Variants in PLCL1 observed in about 807,000 individuals in gnomAD.
The protein encoded by PLCL1 is phospholipase C like 1 (inactive).
A neutral mutation model predicts 84.4 loss-of-function variants in PLCL1; 41 were observed. That is an observed-to-expected ratio of 0.49 (90% CI 0.38 to 0.63). The LOEUF (loss-of-function observed/expected upper bound fraction) is 0.63. Among genes scored for constraint, PLCL1 ranks in the 30% least tolerant of loss-of-function variants. The pLI is 0.00. For synonymous variants in PLCL1, 490 were observed against 488.3 expected (o/e 1.00, Z -0.05); for missense variants, 1,206 against 1,367.8 (o/e 0.88, Z 1.87).
rs146492230 is a variant in PLCL1, at chr2:198,112,380, G to A, written c.3105+8444G>A. On this transcript the variant is annotated intron_variant, in intron 5 of 5. Coordinates refer to ENST00000428675, the MANE Select transcript of PLCL1 (RefSeq NM_006226.4). ...CTGAGAGCCCAGCCAGCCTCCTCTT[G>A]TTTCTCTTGGACAGCTTTGCTATTC... 3.3e-3 allele frequency among the ~76,000 whole-genome samples: 506 copies of A among 151,960 alleles called. 4 individuals carry two copies. The highest frequency in any genetic ancestry group is 0.01 in the African/African-American group (432 of 41,522).
rs755653034 is a variant in PLCL1, at chr2:197,926,809, G to A, written c.240+121470G>A. ...CTTTATTACTATCACTCACATTTTT[G>A]TGGGTTGACTTGGCTATCCTGTGGT... On this transcript the variant is annotated intron_variant, in intron 1 of 5. Transcript: ENST00000428675. 5.3e-5 allele frequency among the ~76,000 whole-genome samples: 8 copies of A among 152,226 alleles called. No homozygotes were observed. The East Asian group carries it at 1.4e-3, about 26-fold the overall frequency.
chr2:197,833,093 C>T (rs989985143), intron 1 of PLCL1, among the ~76,000 whole-genome samples: 3 of 152,202 alleles, frequency 2.0e-5, no homozygotes. Flanking sequence ...ATCCCAGCTA[C>T]TCAGGAGGCT....
chr2:198,093,962 A>G (rs1265825047), intron 3 of PLCL1, among the ~76,000 whole-genome samples: 3 of 152,210 alleles, frequency 2.0e-5, no homozygotes, highest in African/African-American at 7.2e-5. Context: ...CACTATAAAT[A>G]AATAAATAAA....
intron 1 of PLCL1, among the ~76,000 whole-genome samples, chr2:197,969,422 C>T (rs1689815316): frequency 6.6e-6 from 1 of 152,184 alleles, no homozygotes; most frequent in Non-Finnish European, 1.5e-5. Context: ...ATGTGTAAGA[C>T]AGTTCCAGGC....
chr2:198,032,729 T>C (rs1036027460), intron 1 of PLCL1, among the ~76,000 whole-genome samples: 4 of 152,290 alleles, frequency 2.6e-5, no homozygotes, highest in Admixed American at 2.0e-4. Flanking sequence ...TGAAATTTTA[T>C]TTATTCAGGT....
intron 1 of PLCL1, among the ~76,000 whole-genome samples, chr2:198,036,987 C>G (rs962443426): frequency 1.5e-4 from 23 of 152,128 alleles, no homozygotes; most frequent in Admixed American, 1.2e-3. Flanking sequence ...AACAGGTGGA[C>G]ACTGGGCCAT....
chr2:197,900,814 G>T (rs1688248622), intron 1 of PLCL1, among the ~76,000 whole-genome samples: 1 of 152,112 alleles, frequency 6.6e-6, no homozygotes, highest in African/African-American at 2.4e-5. Flanking sequence ...AAAATCTAAG[G>T]GCTTTTCTGG....
chr2:197,890,306 A>G (rs1235421330), intron 1 of PLCL1, among the ~76,000 whole-genome samples: 38 of 152,200 alleles, frequency 2.5e-4, no homozygotes, highest in Non-Finnish European at 2.9e-5. Context: ...TATGAATCCC[A>G]GACAGTAGGA....
chr2:198,046,977 A>G (rs544380042), intron 1 of PLCL1, among the ~76,000 whole-genome samples: 64 of 152,336 alleles, frequency 4.2e-4, no homozygotes, highest in Non-Finnish European at 7.4e-4. Context: ...ATACTAATGT[A>G]GTAGGATATG....
In PLCL1 at chr2:197,905,911, G is replaced by A. The variant is rs191597297; in HGVS notation, c.240+100572G>A. Among the ~76,000 whole-genome samples, 426 of 152,140 alleles carry A rather than the reference G, an allele frequency of 2.8e-3. 5 individuals are homozygous for A. The highest frequency in any genetic ancestry group is 9.9e-3 in the African/African-American group (413 of 41,528). Reference sequence around the variant, plus strand: ...TCATATCCTTCACCTACTTTTTGATGGGGTTGTTTTTTTCTTGTAAATTTG... The same window carrying A: ...TCATATCCTTCACCTACTTTTTGATAGGGTTGTTTTTTTCTTGTAAATTTG... On this transcript the variant is annotated intron_variant, in intron 1 of 5. Coordinates refer to ENST00000428675, the MANE Select transcript of PLCL1 (RefSeq NM_006226.4).
At chr2:198,009,648 T>C (rs1038623618) in intron 1 of PLCL1, among the ~76,000 whole-genome samples, 10 of 152,124 alleles carry the variant, frequency 6.6e-5, no homozygotes, top group Middle Eastern at 3.4e-3. Context: ...TTTTCAAGAT[T>C]GTTTTGGCTC....
At chr2:197,959,842 A>G (rs1689573267) in intron 1 of PLCL1, among the ~76,000 whole-genome samples, 1 of 152,068 alleles carries the variant, frequency 6.6e-6, no homozygotes, top group Non-Finnish European at 1.5e-5. Flanking sequence ...CAACCTCCCA[A>G]ATGCCTACCA....
intron 5 of PLCL1, among the ~76,000 whole-genome samples, chr2:198,117,728 G>A (rs1693778048): frequency 6.6e-6 from 1 of 151,852 alleles, no homozygotes; most frequent in East Asian, 1.9e-4. Flanking sequence ...GTCTTGTATA[G>A]GAAAAGTATG....
At chr2:197,966,093 T>C (rs1276452284) in intron 1 of PLCL1, among the ~76,000 whole-genome samples, 1 of 151,986 alleles carries the variant, frequency 6.6e-6, no homozygotes, top group Non-Finnish European at 1.5e-5. Context: ...AGATAGGGCC[T>C]CAGAACTCTG....
At chr2:197,880,701 T>C (rs1353220819) in intron 1 of PLCL1, among the ~76,000 whole-genome samples, 2 of 152,164 alleles carry the variant, frequency 1.3e-5, no homozygotes, top group African/African-American at 2.4e-5. Context: ...ATTTATAGTT[T>C]TTTGTTTTTT....
At chr2:197,949,122 A>G (rs1353505897) in intron 1 of PLCL1, among the ~76,000 whole-genome samples, 1 of 152,178 alleles carries the variant, frequency 6.6e-6, no homozygotes, top group Non-Finnish European at 1.5e-5. Flanking sequence ...ATGATAATCT[A>G]GTTGGGATCA....
At chr2:197,957,178 T>A (rs1392164565) in intron 1 of PLCL1, among the ~76,000 whole-genome samples, 2 of 152,134 alleles carry the variant, frequency 1.3e-5, no homozygotes, top group Admixed American at 1.3e-4. Context: ...CTAGGAATTA[T>A]CTTTTCTTTC....
In PLCL1 at chr2:197,832,830, A is replaced by G. The variant is rs144371482; in HGVS notation, c.240+27491A>G. On this transcript the variant is annotated intron_variant, in intron 1 of 5. Coordinates refer to ENST00000428675, the MANE Select transcript of PLCL1 (RefSeq NM_006226.4). ...CAATCAAGTCAGCTTCATCCTTGGG[A>G]TGCAAGGCTGGTTCAACATACACAA... is the stretch of plus-strand genomic sequence containing the variant. Among the ~76,000 whole-genome samples the G allele has an allele frequency of 2.7e-3, 408 of 152,392 alleles. 2 individuals carry two copies. Among genetic ancestry groups the G allele is most frequent in the African/African-American group, 9.4e-3 (390 of 41,590 alleles).
intron 5 of PLCL1, among the ~76,000 whole-genome samples, chr2:198,127,458 T>C (rs1694015672): frequency 6.6e-6 from 1 of 152,162 alleles, no homozygotes; most frequent in Non-Finnish European, 1.5e-5. Flanking sequence ...TTATTGGACA[T>C]AGTTTTACGT....
Sources: gnomAD v4.1 joint callset for allele counts (sites outside exome capture counted in the v4.1 genomes callset) on GRCh38, gnomAD v4.1.1 for gene constraint, MANE v1.5 for transcripts, NCBI Gene and HGNC (gene_info 2026-07-23, HGNC 2026-07-21) for gene names.